The following HSDL1 variants were observed in gnomAD, a reference collection of about 807,000 sequenced individuals.
HSDL1 encodes the protein hydroxysteroid dehydrogenase like 1, also known as inactive hydroxysteroid dehydrogenase-like protein 1.
HSDL1 carries 29 observed loss-of-function variants against 31.5 expected under a neutral mutation model. That is an observed-to-expected ratio of 0.92 (90% confidence interval 0.69 to 1.26). The LOEUF is 1.26. Among genes scored for constraint, HSDL1 ranks in the 50% most tolerant of loss-of-function variants. HSDL1 has a pLI of 0.00. For synonymous variants in HSDL1, 222 were observed against 155.2 expected (o/e 1.43, Z -3.20); for missense variants, 503 against 416.6 (o/e 1.21, Z -1.81).
chr16:84,139,511 A>G (rs7189109), intron 1 of HSDL1, among the ~76,000 whole-genome samples: 44,293 of 152,046 alleles, frequency 0.29, 8,111 homozygotes, highest in African/African-American at 0.53. Context: ...CCAGAGGAAC[A>G]CAGCCCTGCT....
chr16:84,131,608 G>A (rs911999022), intron 2 of HSDL1, among the ~76,000 whole-genome samples: 7 of 151,792 alleles, frequency 4.6e-5, no homozygotes, highest in Non-Finnish European at 1.0e-4. Flanking sequence ...TCCACCTCCC[G>A]GGTTCAAGCG....
chr16:84,129,480 T>C (rs1033260703), intron 5 of HSDL1, 68 bp downstream of exon 5: 20 of 1,100,854 alleles, frequency 1.8e-5, no homozygotes, highest in Non-Finnish European at 2.5e-5. Flanking sequence ...TTAATCAGAT[T>C]TCTCTGTATC....
At position 84,124,608 on chromosome 16, in the gene HSDL1, C is replaced by G. The variant is rs1437533184; in HGVS notation, c.*22G>C. The stretch of plus-strand genomic sequence containing the variant: ...TCGAGGTTCCCAGGAGTTGGCAAAA[C>G]TTCTCAAGTGGCCATCCAGACTCAG... On this transcript the variant is annotated 3_prime_UTR_variant, in exon 6 of 6. Coordinates refer to ENST00000219439, the MANE Select transcript of HSDL1 (RefSeq NM_031463.5). 1 of 1,542,138 alleles carries G rather than the reference C, an allele frequency of 6.5e-7. No homozygotes were observed. Among genetic ancestry groups the G allele is most frequent in the Non-Finnish European group, 9.0e-7 (1 of 1,114,738 alleles).
intron 1 of HSDL1, among the ~76,000 whole-genome samples, chr16:84,141,928 T>C (rs1268103955): frequency 6.6e-6 from 1 of 152,226 alleles, no homozygotes; most frequent in East Asian, 1.9e-4. Flanking sequence ...ATGAACTAAA[T>C]GTGTTGTTAT....
At chr16:84,135,744 G>A (rs563313649) in intron 1 of HSDL1, 139 bp from the exon 2 acceptor site, 2 of 152,392 alleles carry the variant, frequency 1.3e-5, no homozygotes, top group South Asian at 2.1e-4. Context: ...TCTCTGTAGA[G>A]GCAGCAAACC....
intron 4 of HSDL1, 65 bp from the exon 5 acceptor site, chr16:84,129,840 A>G: frequency 3.4e-6 from 5 of 1,476,606 alleles, no homozygotes; most frequent in Middle Eastern, 3.5e-4. Flanking sequence ...CAGGAGAAAA[A>G]AAGACTTGCT....
In HSDL1 at chr16:84,122,933, C is replaced by A. The variant is rs1321176059; in HGVS notation, c.*1697G>T. ...TGGATTCCATACCTAATTTATCAAT[C>A]TAAGACATTACTGGACCACGTAACC... On this transcript the variant is annotated 3_prime_UTR_variant, in exon 6 of 6. Coordinates refer to ENST00000219439, the MANE Select transcript of HSDL1 (RefSeq NM_031463.5). 1 of 152,218 alleles carries A rather than the reference C, an allele frequency of 6.6e-6. No homozygotes were observed. The highest frequency in any genetic ancestry group is 2.4e-5 in the African/African-American group (1 of 41,458). The allele number at this position is 152,218 out of a possible 1,614,324, so 9.4% of individuals were successfully genotyped here.
chr16:84,124,663 T>C lies in HSDL1; in HGVS notation c.960A>G (p.Ser320=). 6.2e-7 allele frequency: 1 copy of C among 1,613,916 alleles called. No individual in the cohort carries two copies. The change falls in exon 6 of 6, where the codon TCA becomes TCG. Residue 320 remains serine, a synonymous_variant. Transcript: ENST00000219439. ...WVWGANILNR[S]LRKEALSCTA is the part of the protein sequence containing the mutation. The stretch of plus-strand genomic sequence containing the variant: ...TGCAGGATAAGGCTTCCTTACGTAG[T>C]GAACGGTTGAGAATATTTGCTCCCC...
At chr16:84,137,365 C>A (rs958927597) in intron 1 of HSDL1, among the ~76,000 whole-genome samples, 2 of 152,222 alleles carry the variant, frequency 1.3e-5, no homozygotes, top group African/African-American at 4.8e-5. Flanking sequence ...CTGTGTGACG[C>A]CCCATGTGTG....
At chr16:84,133,837 C>T (rs1322847975) in intron 2 of HSDL1, among the ~76,000 whole-genome samples, 3 of 152,156 alleles carry the variant, frequency 2.0e-5, no homozygotes, top group African/African-American at 7.2e-5. Flanking sequence ...TCACCTCCCA[C>T]AATGAGAATG....
intron 5 of HSDL1, 144 bp downstream of exon 5, chr16:84,129,404 G>C (rs2086639618): frequency 1.5e-6 from 1 of 653,740 alleles, no homozygotes; most frequent in Non-Finnish European, 2.6e-6. Flanking sequence ...AGAAAATTTA[G>C]TGTCTTAACC....
At position 84,145,152 on chromosome 16, in the gene HSDL1, G is replaced by T. The variant is rs527256456; in HGVS notation, c.-141C>A. 6 of 221,284 alleles carry T rather than the reference G, an allele frequency of 2.7e-5. No homozygotes were observed. The highest frequency in any genetic ancestry group is 1.8e-4 in the Admixed American group (3 of 16,998). 13.7% of individuals were successfully genotyped at this position (221,284 alleles called of 1,614,324 possible). A position where few individuals can be genotyped will look rare whatever the true frequency, so the allele number is the denominator to read the frequency against. ...GCCGCCGCCCCCGTCTCGGCCGCCG[G>T]AGCTGCTGCCGCGCCGCGCCCTCAC... On this transcript the variant is annotated 5_prime_UTR_variant, in exon 1 of 6. Transcript: ENST00000219439.
intron 1 of HSDL1, among the ~76,000 whole-genome samples, chr16:84,136,879 G>A (rs1281586112): frequency 2.0e-5 from 3 of 152,176 alleles, no homozygotes; most frequent in Non-Finnish European, 4.4e-5. Context: ...TCATTCCTTA[G>A]AGGCAGCTCA....
At chr16:84,135,014 A>G (rs1172152573) in intron 2 of HSDL1, among the ~76,000 whole-genome samples, 1 of 152,154 alleles carries the variant, frequency 6.6e-6, no homozygotes, top group East Asian at 1.9e-4. Context: ...CGGGCGGATC[A>G]CGAGGTCAGG....
rs1455852346 is a variant in HSDL1 at position 84,123,462 on chromosome 16, C to T, written c.*1168G>A. On this transcript the variant is annotated 3_prime_UTR_variant, in exon 6 of 6. Transcript: ENST00000219439. The stretch of plus-strand genomic sequence containing the variant: ...GGCTTTATATGACCCAAACTAAGGA[C>T]ATTTCACAGGTTTCAATGTTAACGC... 6.6e-6 allele frequency: 1 copy of T among 152,172 alleles called. No individual in the cohort carries two copies. The highest frequency in any genetic ancestry group is 2.4e-5 in the African/African-American group (1 of 41,422). 9.4% of individuals were successfully genotyped at this position (152,172 alleles called of 1,614,324 possible). A position where few individuals can be genotyped will look rare whatever the true frequency, so the allele number is the denominator to read the frequency against.
chr16:84,131,389 T>C (rs1363505881), intron 2 of HSDL1, 62 bp from the exon 3 acceptor site: 2 of 1,180,898 alleles, frequency 1.7e-6, no homozygotes, highest in Admixed American at 3.5e-5. Context: ...ACATACACAG[T>C]CTGAGTGAAG....
chr16:84,132,350 G>A (rs2086677280), intron 2 of HSDL1, among the ~76,000 whole-genome samples: 1 of 152,018 alleles, frequency 6.6e-6, no homozygotes, highest in Non-Finnish European at 1.5e-5. Context: ...ACAAAACTCA[G>A]CTTTCAAAAA....
intron 1 of HSDL1, among the ~76,000 whole-genome samples, chr16:84,143,536 A>T (rs923697202): frequency 6.6e-6 from 1 of 152,196 alleles, no homozygotes; most frequent in East Asian, 1.9e-4. Flanking sequence ...ATGGTTGCAT[A>T]GCATTGTGAC....
chr16:84,137,029 T>C (rs187636756), intron 1 of HSDL1, among the ~76,000 whole-genome samples: 1 of 152,194 alleles, frequency 6.6e-6, no homozygotes, highest in Non-Finnish European at 1.5e-5. Context: ...TCTCGAGATC[T>C]ACATGGAAAA....
Sources: gnomAD v4.1 joint callset for allele counts (sites outside exome capture counted in the v4.1 genomes callset) on GRCh38, gnomAD v4.1.1 for gene constraint, MANE v1.5 for transcripts, NCBI Gene and HGNC (gene_info 2026-07-23, HGNC 2026-07-21) for gene names.